Variants in DNAAF9 observed in about 807,000 individuals in gnomAD.
The protein encoded by DNAAF9 is dynein axonemal assembly factor 9.
In DNAAF9, 90 loss-of-function variants were observed where a neutral mutation model predicts 167.0. The ratio of observed to expected loss-of-function variants is 0.54; its 90% confidence interval spans 0.45 to 0.64. The LOEUF is 0.64. Among genes scored for constraint, DNAAF9 ranks in the 30% least tolerant of loss-of-function variants. The pLI is 0.00. For missense variants in DNAAF9, 1,315 were observed against 1,442.2 expected (o/e 0.91, Z 1.43); for synonymous variants, 491 against 508.8 (o/e 0.96, Z 0.47).
chr20:3,395,925 T>C (rs990636756), intron 1 of DNAAF9, among the ~76,000 whole-genome samples: 1 of 152,260 alleles, frequency 6.6e-6, no homozygotes, highest in African/African-American at 2.4e-5. Context: ...CCATGGGTCA[T>C]GGGAGGAACC....
intron 16 of DNAAF9, 120 bp from the exon 17 acceptor site, chr20:3,318,520 C>T: frequency 1.7e-6 from 1 of 588,072 alleles, no homozygotes; most frequent in South Asian, 2.2e-5. Flanking sequence ...TGAAGAGTTT[C>T]TAGGGAAAAC....
At chr20:3,395,338 TG>T (rs533789981) in intron 1 of DNAAF9, among the ~76,000 whole-genome samples, 3 of 151,596 alleles carry the variant, frequency 2.0e-5, no homozygotes, top group Non-Finnish European at 4.4e-5. Flanking sequence ...TGGAATGCAG[TG>T]GTGCAATCTC....
At chr20:3,396,001 G>A (rs2083901676) in intron 1 of DNAAF9, among the ~76,000 whole-genome samples, 1 of 152,152 alleles carries the variant, frequency 6.6e-6, no homozygotes, top group African/African-American at 2.4e-5. Flanking sequence ...CAGCGAATAA[G>A]TCCCATGAGA....
At chr20:3,306,321 C>T (rs145859011) in intron 20 of DNAAF9, among the ~76,000 whole-genome samples, 1 of 152,284 alleles carries the variant, frequency 6.6e-6, no homozygotes, top group African/African-American at 2.4e-5. Flanking sequence ...GCATTTTCCC[C>T]TATTGCTCAG....
rs150270873 is a variant in DNAAF9, at chr20:3,368,569, G to C, written c.612+5479C>G. ...GCTCTTTCGCCCAGGCTGGAGTGCAGTGGCATGATCTCAGCTCACTGAAAG... is the reference window on the plus strand; with the variant it reads ...GCTCTTTCGCCCAGGCTGGAGTGCACTGGCATGATCTCAGCTCACTGAAAG... On this transcript the variant is annotated intron_variant, in intron 6 of 36. Coordinates refer to ENST00000252032, the MANE Select transcript of DNAAF9 (RefSeq NM_001009984.3). Among the ~76,000 whole-genome samples, 373 of 147,742 alleles carry C rather than the reference G, an allele frequency of 2.5e-3. 4 individuals carry two copies. Among genetic ancestry groups the C allele is most frequent in the East Asian group, 0.017 (83 of 4,868 alleles).
chr20:3,262,545 G>A (rs1404153172), intron 31 of DNAAF9, among the ~76,000 whole-genome samples: 4 of 152,072 alleles, frequency 2.6e-5, no homozygotes, highest in South Asian at 2.1e-4. Flanking sequence ...CACCACATCC[G>A]GCCAGATTCA....
At chr20:3,407,443 G>A (rs2084079207) in intron 1 of DNAAF9, 32 bp downstream of exon 1, 2 of 1,285,076 alleles carry the variant, frequency 1.6e-6, no homozygotes, top group Non-Finnish European at 2.0e-6. Context: ...TCCCCCGCCC[G>A]GCCGCCCCTC....
At chr20:3,347,268 T>C (rs1327627810) in intron 8 of DNAAF9, among the ~76,000 whole-genome samples, 5 of 152,220 alleles carry the variant, frequency 3.3e-5, no homozygotes, top group African/African-American at 9.6e-5. Context: ...AAGGTAAAAA[T>C]TGTCAATCTA....
intron 6 of DNAAF9, among the ~76,000 whole-genome samples, chr20:3,363,288 T>C (rs1426382922): frequency 6.7e-6 from 1 of 149,416 alleles, no homozygotes; most frequent in Non-Finnish European, 1.5e-5. Context: ...TGTTTTGTTT[T>C]GTTTTTAGTT....
chr20:3,266,418 A>T (rs2068491016), intron 30 of DNAAF9, among the ~76,000 whole-genome samples: 1 of 152,140 alleles, frequency 6.6e-6, no homozygotes, highest in African/African-American at 2.4e-5. Context: ...TCGTTCCCTA[A>T]ATCAAATACT....
chr20:3,399,926 T>C (rs1186134115), intron 1 of DNAAF9, among the ~76,000 whole-genome samples: 1 of 152,212 alleles, frequency 6.6e-6, no homozygotes, highest in African/African-American at 2.4e-5. Context: ...TTATCTAAAA[T>C]GGTTAAAACT....
chr20:3,319,317 C>CA (rs1317989456), intron 16 of DNAAF9, among the ~76,000 whole-genome samples: 3 of 143,904 alleles, frequency 2.1e-5, no homozygotes, highest in Non-Finnish European at 4.5e-5. Flanking sequence ...CTTTTATGGC[C>CA]AAGACAAATA....
chr20:3,306,312 C>T (rs2069291905), intron 20 of DNAAF9, among the ~76,000 whole-genome samples: 1 of 152,198 alleles, frequency 6.6e-6, no homozygotes, highest in Non-Finnish European at 1.5e-5. Flanking sequence ...TTGGTATTCG[C>T]ATTTTCCCCT....
At chr20:3,361,990 G>T in intron 6 of DNAAF9, 1 of 1,527,948 alleles carries the variant, frequency 6.5e-7, no homozygotes, top group Middle Eastern at 2.3e-4. Flanking sequence ...TATGAATTCT[G>T]CCATTTTGCT....
At chr20:3,383,136 C>A (rs1212954140) in intron 1 of DNAAF9, among the ~76,000 whole-genome samples, 1 of 152,170 alleles carries the variant, frequency 6.6e-6, no homozygotes, top group African/African-American at 2.4e-5. Context: ...GGACCCCATT[C>A]TCTCCATGCC....
At chr20:3,357,022 G>T (rs1446799347) in intron 7 of DNAAF9, among the ~76,000 whole-genome samples, 1 of 152,154 alleles carries the variant, frequency 6.6e-6, no homozygotes. Flanking sequence ...AAATTCCTAT[G>T]TTCTATTTCA....
At chr20:3,333,846 G>A (rs1335838008) in intron 10 of DNAAF9, among the ~76,000 whole-genome samples, 2 of 152,198 alleles carry the variant, frequency 1.3e-5, no homozygotes, top group African/African-American at 4.8e-5. Context: ...CACCAGCACA[G>A]GTGTTGGCCA....
chr20:3,391,705 T>C (rs1804097465), intron 1 of DNAAF9, among the ~76,000 whole-genome samples: 2 of 151,270 alleles, frequency 1.3e-5, no homozygotes, highest in Non-Finnish European at 2.9e-5. Flanking sequence ...CTCAGGCTCC[T>C]GAGTAGCTAG....
At chr20:3,295,022 C>A (rs964507375) in intron 23 of DNAAF9, among the ~76,000 whole-genome samples, 2 of 151,768 alleles carry the variant, frequency 1.3e-5, no homozygotes, top group African/African-American at 4.8e-5. Context: ...CCTGCCACCA[C>A]GCCCAACTAA....
Sources: gnomAD v4.1 joint callset for allele counts (sites outside exome capture counted in the v4.1 genomes callset) on GRCh38, gnomAD v4.1.1 for gene constraint, MANE v1.5 for transcripts, NCBI Gene and HGNC (gene_info 2026-07-23, HGNC 2026-07-21) for gene names.